Variants in LMOD2 observed in about 807,000 individuals in gnomAD.
The protein encoded by LMOD2 is leiomodin 2.
Under a neutral mutation model 41.7 loss-of-function variants are expected in LMOD2, and 27 were observed. The observed-to-expected ratio is 0.65, with a 90% confidence interval of 0.48 to 0.89. The LOEUF (loss-of-function observed/expected upper bound fraction) is 0.89. Among genes scored for constraint, LMOD2 ranks in the 40% least tolerant of loss-of-function variants. The pLI, the probability that LMOD2 is intolerant of heterozygous loss-of-function variation, is 0.00. For synonymous variants in LMOD2, 251 were observed against 244.6 expected (o/e 1.03, Z -0.25); for missense variants, 624 against 667.9 (o/e 0.93, Z 0.72).
Position 123,662,246 on chromosome 7 carries a change from C to T in LMOD2, c.660C>T (p.Asn220=). 6.2e-7 allele frequency: 1 copy of T among 1,613,986 alleles called. No homozygotes were observed. The highest frequency in any genetic ancestry group is 8.5e-7 in the Non-Finnish European group (1 of 1,179,892). The change falls in exon 2 of 3, where the codon AAC becomes AAT. Residue 220 remains asparagine, a synonymous_variant. Transcript: ENST00000458573. The surrounding 1 kb of genome is among the most constrained non-coding windows in gnomAD (Gnocchi z 4.0). ...DPDTTEVNLN[N]IENITTQTLT... is the part of the protein sequence containing the mutation. ...ACACCACAGAAGTCAATTTGAACAA[C>T]ATTGAGAACATCACAACACAGACCC... is the stretch of plus-strand genomic sequence containing the variant.
chr7:123,663,322 T>C, intron 2 of LMOD2, 119 bp downstream of exon 2: 2 of 1,270,904 alleles, frequency 1.6e-6, no homozygotes, highest in Non-Finnish European at 1.1e-6. Context: ...TATTTTAGTA[T>C]GCGAGAGCAA....
chr7:123,659,101 G>A (rs1177873847), intron 1 of LMOD2, among the ~76,000 whole-genome samples: 1 of 152,170 alleles, frequency 6.6e-6, no homozygotes, highest in Non-Finnish European at 1.5e-5. Flanking sequence ...CACATACTTT[G>A]AATGTGATAT....
Position 123,656,145 on chromosome 7 carries a change from C to G in LMOD2, c.182C>G (p.Thr61Arg). The G allele has an allele frequency of 6.2e-7, 1 of 1,609,660 alleles. No homozygotes were observed. The highest frequency in any genetic ancestry group is 1.1e-5 in the South Asian group (1 of 89,906). Residue 61 changes from threonine to arginine, a missense_variant, in exon 1 of 3, where the codon ACA (threonine) becomes AGA (arginine). Coordinates refer to ENST00000458573, the MANE Select transcript of LMOD2 (RefSeq NM_207163.3). Reference sequence around the variant, plus strand: ...AAGAGCCTGACAGAGAAAACCCCCACAGGGACATTCAGCAGAGAGGCACTG... The same window carrying G: ...AAGAGCCTGACAGAGAAAACCCCCAGAGGGACATTCAGCAGAGAGGCACTG... ...RQKSLTEKTP[T>R]GTFSREALMA...
chr7:123,659,903 A>G (rs1802846188), intron 1 of LMOD2, among the ~76,000 whole-genome samples: 2 of 152,210 alleles, frequency 1.3e-5, no homozygotes, highest in Admixed American at 1.3e-4. Flanking sequence ...AGGGGAAAAC[A>G]GATCTTGCAG....
chr7:123,659,216 C>A (rs1485934601), intron 1 of LMOD2, among the ~76,000 whole-genome samples: 6 of 152,204 alleles, frequency 3.9e-5, no homozygotes, highest in African/African-American at 1.4e-4. Context: ...CTTGTCCAGT[C>A]CCTTGCCATC....
At position 123,662,164 on chromosome 7, in the gene LMOD2, G is replaced by A. The variant is rs750069416; in HGVS notation, c.578G>A (p.Cys193Tyr). 1 of 1,613,860 alleles carries A rather than the reference G, an allele frequency of 6.2e-7. No individual in the cohort carries two copies. The highest frequency in any genetic ancestry group is 8.5e-7 in the Non-Finnish European group (1 of 1,179,842). Residue 193 changes from cysteine to tyrosine, a missense_variant, in exon 2 of 3, where the codon TGT becomes TAT. Cys to Tyr is a radical substitution (Grantham distance 194). Coordinates refer to ENST00000458573, the MANE Select transcript of LMOD2 (RefSeq NM_207163.3). This position sits in a 1 kb window ranked among gnomAD's most constrained non-coding sequence, Gnocchi z 4.0. ...NTESPAAIHP[C>Y]GNPTVIEDAL... Reference sequence around the variant, plus strand: ...GAGTCCCCAGCTGCCATTCACCCTTGTGGAAATCCTACAGTGATTGAGGAC... The same window carrying A: ...GAGTCCCCAGCTGCCATTCACCCTTATGGAAATCCTACAGTGATTGAGGAC...
intron 1 of LMOD2, among the ~76,000 whole-genome samples, chr7:123,658,308 C>A (rs1802822840): frequency 6.6e-6 from 1 of 152,126 alleles, no homozygotes; most frequent in Non-Finnish European, 1.5e-5. Flanking sequence ...GCATGATGAG[C>A]AGGAACTTGC....
chr7:123,660,047 T>C (rs1450406142), intron 1 of LMOD2, among the ~76,000 whole-genome samples: 3 of 152,062 alleles, frequency 2.0e-5, no homozygotes, highest in Admixed American at 1.3e-4. Flanking sequence ...TACAAACACA[T>C]GAACACACAC....
rs777025424 is a variant in LMOD2 at position 123,662,010 on chromosome 7, G to A, written c.424G>A (p.Glu142Lys). The A allele has an allele frequency of 1.3e-6, 2 of 1,567,282 alleles. No homozygotes were observed. The highest frequency in any genetic ancestry group is 2.7e-5 in the African/African-American group (2 of 73,884). ...EDSDEEERTI[E>K]TAKGINGTVN... is the part of the protein sequence containing the mutation. ...CAGTGACGAAGAGGAAAGAACAATTGAAACTGCAAAAGGGATTAATGGAAC... is the reference window on the plus strand; with the variant it reads ...CAGTGACGAAGAGGAAAGAACAATTAAAACTGCAAAAGGGATTAATGGAAC... Residue 142 changes from glutamate (E) to lysine (K), a missense_variant, in exon 2 of 3, where the codon GAA (glutamate) becomes AAA (lysine). Glu to Lys is a moderately conservative substitution (Grantham distance 56). Transcript: ENST00000458573. The surrounding 1 kb of genome is among the most constrained non-coding windows in gnomAD (Gnocchi z 4.0).
rs757915212 is a variant in LMOD2, at chr7:123,661,875, G to C, written c.289G>C (p.Glu97Gln). The C allele has an allele frequency of 3.9e-6, 6 of 1,524,650 alleles. No individual in the cohort carries two copies. The Admixed American group carries it at 1.3e-4, about 33-fold the overall frequency. 94.4% of individuals were successfully genotyped at this position (1,524,650 alleles called of 1,614,324 possible). ...GECGKVAEDK[E>Q]ESEEELIFTE... The stretch of plus-strand genomic sequence containing the variant: ...TACTCTTTAGGTTGCAGAAGACAAA[G>C]AGGAAAGTGAAGAAGAGCTTATCTT... The change falls in exon 2 of 3, where the codon GAG becomes CAG. Residue 97 changes from glutamate (E) to glutamine (Q), a missense_variant. Transcript: ENST00000458573.
intron 1 of LMOD2, among the ~76,000 whole-genome samples, chr7:123,661,444 A>C (rs1802873154): frequency 6.6e-6 from 1 of 152,228 alleles, no homozygotes; most frequent in African/African-American, 2.4e-5. Context: ...GAAATAAGAA[A>C]GAACAGAGTG....
rs1317256382 is a variant in LMOD2, at chr7:123,662,189, C to T, written c.603C>T (p.Asp201=). 5.6e-6 allele frequency: 9 copies of T among 1,613,822 alleles called. No individual in the cohort carries two copies. The East Asian group carries it at 6.7e-5, about 12-fold the overall frequency. Residue 201 remains aspartate (D), a synonymous_variant, in exon 2 of 3, where the codon GAC becomes GAT. Coordinates refer to ENST00000458573, the MANE Select transcript of LMOD2 (RefSeq NM_207163.3). This position sits in a 1 kb window ranked among gnomAD's most constrained non-coding sequence, Gnocchi z 4.0. ...GTGGAAATCCTACAGTGATTGAGGA[C>T]GCTTTGGACAAGATTAAAAGCAATG... ...HPCGNPTVIE[D]ALDKIKSNDP...
At chr7:123,657,474 G>A (rs888484317) in intron 1 of LMOD2, among the ~76,000 whole-genome samples, 49 of 152,264 alleles carry the variant, frequency 3.2e-4, no homozygotes, top group Non-Finnish European at 5.7e-4. Context: ...AGGGCCACTG[G>A]GATCTGGCCA....
At chr7:123,658,537 G>T (rs915117042) in intron 1 of LMOD2, among the ~76,000 whole-genome samples, 12 of 152,210 alleles carry the variant, frequency 7.9e-5, no homozygotes, top group African/African-American at 2.7e-4. Context: ...GCCCACTTGG[G>T]CTTACACAAA....
In LMOD2 at chr7:123,662,597, C is replaced by T. The variant is rs761791992; in HGVS notation, c.1011C>T (p.Leu337=). 1 of 1,613,908 alleles carries T rather than the reference C, an allele frequency of 6.2e-7. No individual in the cohort carries two copies. Among genetic ancestry groups the T allele is most frequent in the South Asian group, 1.1e-5 (1 of 91,074 alleles). The change falls in exon 2 of 3, where the codon CTC becomes CTT. Residue 337 remains leucine, a synonymous_variant. Transcript: ENST00000458573. The surrounding 1 kb of genome is among the most constrained non-coding windows in gnomAD (Gnocchi z 4.0). ...TGAGGCTGGGATACCATTTTGAACT[C>T]CCAGGACCAAGAATGAGCATGACGA... The part of the protein sequence containing the change: ...TLLRLGYHFE[L]PGPRMSMTSI...
chr7:123,656,070 A>T lies in LMOD2; in HGVS notation c.107A>T (p.Glu36Val), dbSNP rs1158081565. The T allele has an allele frequency of 6.2e-7, 1 of 1,612,050 alleles. No individual in the cohort carries two copies. The highest frequency in any genetic ancestry group is 8.5e-7 in the Non-Finnish European group (1 of 1,179,188). Residue 36 changes from glutamate (E) to valine (V), a missense_variant, in exon 1 of 3, where the codon GAG (glutamate) becomes GTG (valine). Coordinates refer to ENST00000458573, the MANE Select transcript of LMOD2 (RefSeq NM_207163.3). ...SAEELKELER[E>V]LEDIEPDRNL... ...GAGGAGCTGAAGGAGCTAGAGAGAG[A>T]GTTGGAAGACATTGAACCTGACCGC...
At chr7:123,657,098 C>G (rs1802801353) in intron 1 of LMOD2, among the ~76,000 whole-genome samples, 1 of 152,116 alleles carries the variant, frequency 6.6e-6, no homozygotes, top group African/African-American at 2.4e-5. Flanking sequence ...GTGCTTATAT[C>G]AGAGCTCAGG....
In LMOD2 at chr7:123,663,674, A is replaced by G. The variant is rs778076761; in HGVS notation, c.1618-45A>G. The stretch of plus-strand genomic sequence containing the variant: ...CATATCCTACAGATATTTTTCACTT[A>G]TCATGTGTGTTGTTTCATTGAGAGA... On this transcript the variant is annotated intron_variant, in intron 2 of 2. Transcript: ENST00000458573. 3.3e-6 allele frequency: 5 copies of G among 1,528,572 alleles called. No individual in the cohort carries two copies. The South Asian group carries it at 5.9e-5, about 18-fold the overall frequency. 94.7% of individuals were successfully genotyped at this position (1,528,572 alleles called of 1,614,324 possible). A position where few individuals can be genotyped will look rare whatever the true frequency, so the allele number is the denominator to read the frequency against.
chr7:123,657,624 G>A (rs1802808951), intron 1 of LMOD2, among the ~76,000 whole-genome samples: 1 of 151,842 alleles, frequency 6.6e-6, no homozygotes, highest in African/African-American at 2.4e-5. Flanking sequence ...ATGTGATAAT[G>A]AGCATCAAAA....
Sources: gnomAD v4.1 joint callset for allele counts (sites outside exome capture counted in the v4.1 genomes callset) on GRCh38, gnomAD v4.1.1 for gene constraint, Gnocchi (gnomAD v3.1) non-coding constraint, MANE v1.5 for transcripts, NCBI Gene and HGNC (gene_info 2026-07-23, HGNC 2026-07-21) for gene names.